The following CHRNB3 variants were observed in gnomAD, a reference collection of about 807,000 sequenced individuals.
CHRNB3 encodes the protein neuronal acetylcholine receptor subunit beta-3.
CHRNB3 carries 37 observed loss-of-function variants against 40.6 expected under a neutral mutation model. The observed-to-expected ratio is 0.91, with a 90% CI of 0.70 to 1.20. The LOEUF (loss-of-function observed/expected upper bound fraction) is 1.20. CHRNB3 is among the 50% of genes most tolerant of loss of function. CHRNB3 has a pLI of 0.00. For missense variants in CHRNB3, 505 were observed against 551.2 expected, an observed-to-expected ratio of 0.92 and a Z score of 0.84; for synonymous variants, 207 against 207.1, an observed-to-expected ratio of 1.00 and a Z score of 0.00.
At chr8:42,729,959 T>C (rs1816375699) in intron 3 of CHRNB3, among the ~76,000 whole-genome samples, 1 of 152,114 alleles carries the variant, frequency 6.6e-6, no homozygotes, top group Non-Finnish European at 1.5e-5. Context: ...TGAAGAAAAA[T>C]GTGTAAGCGC....
chr8:42,716,501 C>T (rs1330905806), intron 3 of CHRNB3, among the ~76,000 whole-genome samples: 2 of 152,060 alleles, frequency 1.3e-5, no homozygotes, highest in Admixed American at 6.5e-5. Flanking sequence ...GATACTGCTC[C>T]CTACAGACCA....
At chr8:42,735,886 G>T (rs1187707721) in intron 5 of CHRNB3, among the ~76,000 whole-genome samples, 2 of 152,118 alleles carry the variant, frequency 1.3e-5, no homozygotes, top group African/African-American at 4.8e-5. Flanking sequence ...ATAAACTTGT[G>T]ATTCTTTTCA....
intron 1 of CHRNB3, among the ~76,000 whole-genome samples, chr8:42,700,877 T>C (rs1815780623): frequency 6.6e-6 from 1 of 152,034 alleles, no homozygotes; most frequent in Non-Finnish European, 1.5e-5. Context: ...TAAAAGTGGA[T>C]GTTGATATGG....
At chr8:42,717,697 C>G (rs1816141401) in intron 3 of CHRNB3, among the ~76,000 whole-genome samples, 1 of 151,632 alleles carries the variant, frequency 6.6e-6, no homozygotes, top group Admixed American at 6.6e-5. Flanking sequence ...GTCTCTTCAT[C>G]TATTAAATAG....
chr8:42,721,397 A>T (rs1816215531), intron 3 of CHRNB3, among the ~76,000 whole-genome samples: 1 of 152,024 alleles, frequency 6.6e-6, no homozygotes, highest in Non-Finnish European at 1.5e-5. Context: ...CCTCCCCCGG[A>T]AGCAGGATGT....
chr8:42,704,962 CA>C (rs1366083466), intron 1 of CHRNB3, among the ~76,000 whole-genome samples: 1 of 152,070 alleles, frequency 6.6e-6, no homozygotes, highest in Non-Finnish European at 1.5e-5. Context: ...ATTTGGAGAC[CA>C]ATAGTACAGG....
intron 3 of CHRNB3, among the ~76,000 whole-genome samples, chr8:42,713,996 A>G (rs577073592): frequency 4.9e-4 from 74 of 152,322 alleles, no homozygotes; most frequent in Non-Finnish European, 8.5e-4. Flanking sequence ...TACAGAGGAT[A>G]TAGTCATTGC....
rs1416980562 is a variant in CHRNB3, at chr8:42,717,310, C to G, written c.249+6876C>G. Reference sequence around the variant, plus strand: ...AATGGCGTGAACCCGGGAGGCGGAGCTTGCAGTGAGCCGAGATCCCGCCAC... The same window carrying G: ...AATGGCGTGAACCCGGGAGGCGGAGGTTGCAGTGAGCCGAGATCCCGCCAC... On this transcript the variant is annotated intron_variant, in intron 3 of 5. Coordinates refer to ENST00000289957, the MANE Select transcript of CHRNB3 (RefSeq NM_000749.5). Among the ~76,000 whole-genome samples, 3 of 114,516 alleles carry G rather than the reference C, an allele frequency of 2.6e-5. No homozygotes were observed. In the East Asian group the frequency reaches 7.0e-4, roughly 27 times the overall value. 75.1% of individuals were successfully genotyped at this position (114,516 alleles called of 152,430 possible). A position where few individuals can be genotyped will look rare whatever the true frequency, so the allele number is the denominator to read the frequency against.
chr8:42,724,918 G>A (rs1433978747), intron 3 of CHRNB3, among the ~76,000 whole-genome samples: 1 of 139,554 alleles, frequency 7.2e-6, no homozygotes, highest in South Asian at 2.4e-4. Flanking sequence ...GGGAGGCGGA[G>A]GTTGCAGTGA....
rs1168005620 is a variant in CHRNB3, at chr8:42,732,241, A to G, written c.934A>G (p.Ile312Val). Residue 312 changes from isoleucine to valine, a missense_variant, in exon 5 of 6, where the codon ATT (isoleucine) becomes GTT (valine). Coordinates refer to ENST00000289957, the MANE Select transcript of CHRNB3 (RefSeq NM_000749.5). ...FIMIFVTLSI[I>V]VTVFVINVHH... ...CATGATTTTTGTGACCCTGTCCATCATTGTTACCGTGTTTGTCATTAACGT... is the reference window on the plus strand; with the variant it reads ...CATGATTTTTGTGACCCTGTCCATCGTTGTTACCGTGTTTGTCATTAACGT... 1 of 1,611,856 alleles carries G rather than the reference A, an allele frequency of 6.2e-7. No homozygotes were observed. The highest frequency in any genetic ancestry group is 8.5e-7 in the Non-Finnish European group (1 of 1,179,338).
Position 42,730,456 on chromosome 8 carries a change from G to A in CHRNB3, c.250-138G>A, listed in dbSNP as rs1292213753. The A allele has an allele frequency of 1.3e-5, 7 of 539,968 alleles. No individual in the cohort carries two copies. In the East Asian group the frequency reaches 1.9e-4, roughly 14 times the overall value. The allele number at this position is 539,968 out of a possible 1,614,324, so 33.4% of individuals were successfully genotyped here. On this transcript the variant is annotated intron_variant, in intron 3 of 5. Transcript: ENST00000289957. ...TGAATCCTGTACTGAGTCCCCAGTA[G>A]GGTCACGCAGTCCAACCGGGACAAT...
chr8:42,709,246 T>A (rs1015133140), intron 2 of CHRNB3, among the ~76,000 whole-genome samples: 1 of 152,066 alleles, frequency 6.6e-6, no homozygotes. Context: ...CCTGGGCTGG[T>A]AGGGGGCTCT....
chr8:42,713,775 C>G (rs1816057235), intron 3 of CHRNB3, among the ~76,000 whole-genome samples: 1 of 152,184 alleles, frequency 6.6e-6, no homozygotes, highest in African/African-American at 2.4e-5. Flanking sequence ...ATTTAAACCT[C>G]TCTACCACCT....
At chr8:42,734,171 A>G (rs918511918) in intron 5 of CHRNB3, among the ~76,000 whole-genome samples, 2 of 142,876 alleles carry the variant, frequency 1.4e-5, no homozygotes, top group African/African-American at 5.3e-5. Flanking sequence ...CAGGAGAATC[A>G]CTTAAACCTG....
chr8:42,731,865 C>G lies in CHRNB3; in HGVS notation c.558C>G (p.Ile186Met). The change falls in exon 5 of 6, where the codon ATC becomes ATG. Residue 186 changes from isoleucine (I) to methionine (M), a missense_variant. Transcript: ENST00000289957. ...GCACCATGGTTGACCTCATTTTGAT[C>G]AATGAAAATGTCGACAGAAAAGACT... The part of the protein sequence containing the change: ...YDGTMVDLIL[I>M]NENVDRKDFF... The G allele has an allele frequency of 6.2e-7, 1 of 1,614,018 alleles. No individual in the cohort carries two copies. Among genetic ancestry groups the G allele is most frequent in the Non-Finnish European group, 8.5e-7 (1 of 1,180,000 alleles).
At chr8:42,704,440 T>C (rs1815883391) in intron 1 of CHRNB3, 1 of 152,190 alleles carries the variant, frequency 6.6e-6, no homozygotes, top group African/African-American at 2.4e-5. Flanking sequence ...TGGATCTTGG[T>C]GAGGAGCAGG....
intron 2 of CHRNB3, among the ~76,000 whole-genome samples, chr8:42,709,860 G>C (rs1047280968): frequency 1.3e-5 from 2 of 152,112 alleles, no homozygotes; most frequent in African/African-American, 4.8e-5. Flanking sequence ...TCGAACTCCT[G>C]ACCTCAGGTG....
At chr8:42,716,385 T>C (rs1816105538) in intron 3 of CHRNB3, among the ~76,000 whole-genome samples, 1 of 152,216 alleles carries the variant, frequency 6.6e-6, no homozygotes, top group South Asian at 2.1e-4. Context: ...CCGTATTTCC[T>C]GAGAGCCTGC....
chr8:42,710,688 C>T (rs1292302535), intron 3 of CHRNB3, among the ~76,000 whole-genome samples: 1 of 152,180 alleles, frequency 6.6e-6, no homozygotes, highest in African/African-American at 2.4e-5. Context: ...GGTGACTCTA[C>T]TGCCATAAGG....
Sources: gnomAD v4.1 joint callset for allele counts (sites outside exome capture counted in the v4.1 genomes callset) on GRCh38, gnomAD v4.1.1 for gene constraint, MANE v1.5 for transcripts, NCBI Gene and HGNC (gene_info 2026-07-23, HGNC 2026-07-21) for gene names.